IMPG2: variants seen among roughly 807,000 people sequenced by gnomAD.
IMPG2 encodes interphotoreceptor matrix proteoglycan 2.
A neutral mutation model predicts 129.2 loss-of-function variants in IMPG2; 91 were observed. That is an observed-to-expected ratio of 0.70 (90% CI 0.59 to 0.84). The LOEUF (loss-of-function observed/expected upper bound fraction) is 0.84. Ranked by LOEUF, IMPG2 falls within the 40% of genes least tolerant of loss-of-function variation. The pLI is 0.00. For synonymous variants in IMPG2, 510 were observed against 517.7 expected (o/e 0.99, Z 0.20); for missense variants, 1,430 against 1,461.7 (o/e 0.98, Z 0.35).
At chr3:101,271,133 C>T (rs80261105) in intron 7 of IMPG2, among the ~76,000 whole-genome samples, 4,360 of 147,466 alleles carry the variant, frequency 0.03, 219 homozygotes, top group African/African-American at 0.1. Context: ...TGTTATAATT[C>T]TTGTAGGGTG....
chr3:101,261,271 T>C (rs752516549), intron 9 of IMPG2, among the ~76,000 whole-genome samples: 7 of 151,992 alleles, frequency 4.6e-5, no homozygotes, highest in African/African-American at 1.7e-4. Flanking sequence ...AAAAAAACTT[T>C]AAGAAAAAAA....
At chr3:101,266,058 T>C (rs533880297) in intron 9 of IMPG2, among the ~76,000 whole-genome samples, 2 of 152,270 alleles carry the variant, frequency 1.3e-5, no homozygotes, top group South Asian at 2.1e-4. Flanking sequence ...TAGCAAATGC[T>C]AGTGAGGATC....
intron 9 of IMPG2, among the ~76,000 whole-genome samples, chr3:101,264,456 G>A (rs947847235): frequency 2.0e-5 from 3 of 151,964 alleles, no homozygotes; most frequent in Admixed American, 2.0e-4. Flanking sequence ...AAAACCATAT[G>A]ATCATCATAA....
intron 14 of IMPG2, among the ~76,000 whole-genome samples, chr3:101,242,035 GA>G (rs1207523516): frequency 0.015 from 1,899 of 129,812 alleles, 37 homozygotes; most frequent in African/African-American, 0.045. Context: ...ATCTCAAAAA[GA>G]AAAAAAAAAA....
chr3:101,301,773 C>T (rs573294169), intron 3 of IMPG2, among the ~76,000 whole-genome samples: 13 of 152,138 alleles, frequency 8.5e-5, no homozygotes, highest in Non-Finnish European at 1.5e-4. Flanking sequence ...TATCTTTATC[C>T]TCTTTGGCCT....
intron 11 of IMPG2, among the ~76,000 whole-genome samples, chr3:101,248,515 C>T (rs1360650215): frequency 6.6e-6 from 1 of 152,214 alleles, no homozygotes. Context: ...TGCCCCTTGT[C>T]TCTCTGTCAA....
intron 14 of IMPG2, among the ~76,000 whole-genome samples, chr3:101,238,175 A>G (rs890399629): frequency 5.9e-5 from 9 of 152,014 alleles, no homozygotes; most frequent in Admixed American, 1.3e-4. Context: ...TAGAGAAAAA[A>G]CAATGAAAAG....
intron 16 of IMPG2, 46 bp downstream of exon 16, chr3:101,230,911 T>C: frequency 6.5e-7 from 1 of 1,535,560 alleles, no homozygotes. Flanking sequence ...AATAAATGTG[T>C]AAATGGAACA....
Position 101,242,788 on chromosome 3 carries a change from G to C in IMPG2, c.2922C>G (p.Asn974Lys). The C allele has an allele frequency of 6.2e-7, 1 of 1,613,856 alleles. No individual in the cohort carries two copies. Among genetic ancestry groups the C allele is most frequent in the East Asian group, 2.2e-5 (1 of 44,862 alleles). Reference sequence around the variant, plus strand: ...GAATCATGTACACCGCATTGTTGACGTTAGGAGGGACAGAATTGGCAAACT... The same window carrying C: ...GAATCATGTACACCGCATTGTTGACCTTAGGAGGGACAGAATTGGCAAACT... ...RMKFANSVPP[N>K]VNNAVYMILE... The change falls in exon 14 of 19, where the codon AAC (asparagine) becomes AAG (lysine). Residue 974 changes from asparagine to lysine, a missense_variant. Physicochemically the swap from Asn to Lys is moderately conservative, Grantham distance 94 (BLOSUM62 0). Coordinates refer to ENST00000193391, the MANE Select transcript of IMPG2 (RefSeq NM_016247.4).
At chr3:101,281,829 G>A (rs1706896382) in intron 4 of IMPG2, among the ~76,000 whole-genome samples, 1 of 152,184 alleles carries the variant, frequency 6.6e-6, no homozygotes, top group African/African-American at 2.4e-5. Context: ...TGTCTTTGAA[G>A]ATGGAAGTGG....
intron 14 of IMPG2, among the ~76,000 whole-genome samples, 175 bp downstream of exon 14, chr3:101,242,513 T>C (rs1309919504): frequency 6.6e-6 from 1 of 152,206 alleles, no homozygotes; most frequent in African/African-American, 2.4e-5. Flanking sequence ...AAGGGAATGA[T>C]ATTGATGTTC....
At chr3:101,227,618 G>C (rs1003538146) in intron 18 of IMPG2, among the ~76,000 whole-genome samples, 2 of 152,224 alleles carry the variant, frequency 1.3e-5, no homozygotes, top group Non-Finnish European at 2.9e-5. Flanking sequence ...GGAGCCGTGG[G>C]TCATCTGCTG....
At chr3:101,301,848 A>G (rs1205483163) in intron 3 of IMPG2, among the ~76,000 whole-genome samples, 3 of 152,104 alleles carry the variant, frequency 2.0e-5, no homozygotes, top group Admixed American at 1.3e-4. Context: ...AATCCATCCT[A>G]TGCTATGTAG....
intron 3 of IMPG2, among the ~76,000 whole-genome samples, chr3:101,294,299 G>T (rs2107128998): frequency 6.7e-6 from 1 of 149,836 alleles, no homozygotes; most frequent in East Asian, 2.0e-4. Context: ...TTTTCCATGT[G>T]TTCTCACTGT....
At position 101,232,795 on chromosome 3, in the gene IMPG2, G is replaced by C; in HGVS notation, c.3219C>G (p.His1073Gln). The change falls in exon 15 of 19, where the codon CAC becomes CAG. Residue 1073 changes from histidine (H) to glutamine (Q), a missense_variant. By Grantham distance (24) the His-to-Gln change is conservative. Transcript: ENST00000193391. ...CTACAACATACCTACAAATGGCCCC[G>C]TGCCCAGGCATAATGTCACACTTTC... ...NDGKCDIMPG[H>Q]GAICRCRVGE... is the part of the protein sequence containing the mutation. 6.2e-7 allele frequency: 1 copy of C among 1,613,362 alleles called. No homozygotes were observed. Among genetic ancestry groups the C allele is most frequent in the East Asian group, 2.2e-5 (1 of 44,802 alleles).
chr3:101,311,009 A>G (rs184092616), intron 2 of IMPG2, among the ~76,000 whole-genome samples: 6 of 152,270 alleles, frequency 3.9e-5, no homozygotes, highest in African/African-American at 1.4e-4. Flanking sequence ...TTCAAATTCA[A>G]TTGCCAGAGT....
rs758564811 is a variant in IMPG2 at position 101,242,709 on chromosome 3, A to G, written c.3001T>C (p.Tyr1001His). ...YNTMNLAIDK[Y>H]SLDVESGDEA... ...ATACCTGATTCCACATCAAGAGAGT[A>G]TTTATCAATAGCCAAGTTCATGGTA... The change falls in exon 14 of 19, where the codon TAC (tyrosine) becomes CAC (histidine). Residue 1001 changes from tyrosine to histidine, a missense_variant. Tyr to His is a moderately conservative substitution (Grantham distance 83). Coordinates refer to ENST00000193391, the MANE Select transcript of IMPG2 (RefSeq NM_016247.4). 2 of 1,612,798 alleles carry G rather than the reference A, an allele frequency of 1.2e-6. No homozygotes were observed. The highest frequency in any genetic ancestry group is 2.7e-5 in the African/African-American group (2 of 74,884).
intron 3 of IMPG2, among the ~76,000 whole-genome samples, chr3:101,291,900 TA>T (rs1179733349): frequency 2.0e-5 from 3 of 152,226 alleles, no homozygotes; most frequent in Non-Finnish European, 4.4e-5. Flanking sequence ...TAGAACAATG[TA>T]AACATGTGGA....
chr3:101,233,258 T>G (rs554473714), intron 14 of IMPG2, among the ~76,000 whole-genome samples: 1 of 152,188 alleles, frequency 6.6e-6, no homozygotes, highest in Non-Finnish European at 1.5e-5. Flanking sequence ...CTAGGGAGCA[T>G]GTAGAAGCTT....
Sources: allele counts gnomAD v4.1 joint callset (sites outside exome capture counted in the v4.1 genomes callset), GRCh38; gene constraint gnomAD v4.1.1; transcripts MANE v1.5; gene names NCBI Gene and HGNC (gene_info 2026-07-23, HGNC 2026-07-21).